The following INTS1 variants were observed in gnomAD, a reference collection of about 807,000 sequenced individuals.
The protein encoded by INTS1 is integrator complex subunit 1.
In INTS1, 137 loss-of-function variants were observed where a neutral mutation model predicts 241.6. The ratio of observed to expected loss-of-function variants is 0.57; its 90% CI spans 0.49 to 0.65. The LOEUF (loss-of-function observed/expected upper bound fraction) is 0.65. INTS1 is among the 30% of genes least tolerant of loss of function. INTS1 has a pLI of 0.00. For missense variants in INTS1, 3,073 were observed against 3,032.2 expected (o/e 1.01, Z -0.32); for synonymous variants, 1,692 against 1,337.8 (o/e 1.26, Z -5.78).
Position 1,493,924 on chromosome 7 carries a change from G to A in INTS1, c.1911-13C>T, listed in dbSNP as rs1263597184. The A allele has an allele frequency of 1.3e-6, 2 of 1,552,548 alleles. No homozygotes were observed. The highest frequency in any genetic ancestry group is 1.7e-6 in the Non-Finnish European group (2 of 1,147,746). On this transcript the variant is annotated splice_polypyrimidine_tract_variant and intron_variant, in intron 14 of 47. Transcript: ENST00000404767. This position sits in a 1 kb window ranked among gnomAD's most constrained non-coding sequence, Gnocchi z 5.3. ...ACGCAGGAAGAAGCTGCGGGGTGGG[G>A]GAGGCATGACTCGGTGTGGGCTGCC...
At chr7:1,484,470 C>T (rs973302363) in intron 24 of INTS1, among the ~76,000 whole-genome samples, 1 of 152,220 alleles carries the variant, frequency 6.6e-6, no homozygotes, top group Non-Finnish European at 1.5e-5. Flanking sequence ...CCTGAGGACT[C>T]GGGCCACCAA....
rs141609941 is a variant in INTS1, at chr7:1,501,640, C to T, written c.349+1261G>A. The stretch of plus-strand genomic sequence containing the variant: ...AATAAAGCACCGAGCCGCCGGCGGC[C>T]GAGAGCCCGGGCCAGGATGAGGCCT... On this transcript the variant is annotated intron_variant, in intron 3 of 47. Transcript: ENST00000404767. Among the ~76,000 whole-genome samples, 940 of 152,290 alleles carry T rather than the reference C, an allele frequency of 6.2e-3. 8 individuals are homozygous for T. Among genetic ancestry groups the T allele is most frequent in the African/African-American group, 0.021 (892 of 41,556 alleles).
In INTS1 at chr7:1,474,317, G is replaced by A; in HGVS notation, c.5680C>T (p.Leu1894Phe). 1 of 1,607,760 alleles carries A rather than the reference G, an allele frequency of 6.2e-7. No individual in the cohort carries two copies. The highest frequency in any genetic ancestry group is 8.5e-7 in the Non-Finnish European group (1 of 1,178,706). The stretch of plus-strand genomic sequence containing the variant: ...TGCTGCCGGAACTCCTGGAAGTTGA[G>A]GTGGGTGCGGCCGTGCAGGAGCGCC... Reference protein sequence around the residue: ...IAALLHGRTHLNFQEFRQQNH... With the variant: ...IAALLHGRTHFNFQEFRQQNH... Residue 1894 changes from leucine to phenylalanine, a missense_variant, in exon 41 of 48, where the codon CTC becomes TTC. Physicochemically the swap from Leu to Phe is conservative, Grantham distance 22 (BLOSUM62 0). Coordinates refer to ENST00000404767, the MANE Select transcript of INTS1 (RefSeq NM_001080453.3).
rs375416364 is a variant in INTS1 at position 1,482,504 on chromosome 7, CCT to C, written c.3703+40_3703+41del. On this transcript the variant is annotated intron_variant, in intron 27 of 47. Coordinates refer to ENST00000404767, the MANE Select transcript of INTS1 (RefSeq NM_001080453.3). ...AGGAGCAGGCAAGGGGCCCGGGACC[CCT>C]GAGTCAGCAGCCCCTGCCCAAGCCC... 330 of 1,560,254 alleles carry C rather than the reference CCT, an allele frequency of 2.1e-4. No homozygotes were observed. The African/African-American group carries it at 3.5e-3, about 16-fold the overall frequency.
Position 1,495,515 on chromosome 7 carries a change from C to T in INTS1, c.1750G>A (p.Ala584Thr), listed in dbSNP as rs745807231. The T allele has an allele frequency of 4.3e-6, 7 of 1,612,222 alleles. No homozygotes were observed. The highest frequency in any genetic ancestry group is 1.6e-4 in the Middle Eastern group (1 of 6,074). Residue 584 changes from alanine to threonine, a missense_variant, in exon 13 of 48, where the codon GCC becomes ACC. Transcript: ENST00000404767. ...CACCAGACGGCATCCCGCTGGATGG[C>T]GGCAATCTGGTTCTGGAATGAGCGG... ...VLRSFQNQIA[A>T]IQRDAVWWLH...
intron 24 of INTS1, among the ~76,000 whole-genome samples, 155 bp from the exon 25 acceptor site, chr7:1,484,325 G>A (rs767908379): frequency 2.8e-4 from 42 of 152,256 alleles, no homozygotes; most frequent in Non-Finnish European, 4.9e-4. Flanking sequence ...CAGGGAAGAC[G>A]ACCAGAGCTG....
chr7:1,499,828 C>A, intron 5 of INTS1, 56 bp downstream of exon 5: 1 of 1,572,834 alleles, frequency 6.4e-7, no homozygotes, highest in South Asian at 1.2e-5. Flanking sequence ...TTCTCTCGCC[C>A]CTGCCCCACC....
At chr7:1,486,250 CTTTATTTTTCATTTA>C (rs1260270812) in intron 22 of INTS1, among the ~76,000 whole-genome samples, 6 of 150,794 alleles carry the variant, frequency 4.0e-5, no homozygotes, top group Admixed American at 4.0e-4. Context: ...CATTTTACTT[CTTTATTTTTCATTTA>C]TTTATTTTTT....
chr7:1,501,034 C>A (rs961625404), intron 3 of INTS1: 3 of 152,192 alleles, frequency 2.0e-5, no homozygotes, highest in Non-Finnish European at 2.9e-5. Context: ...CCTGTAATCC[C>A]ACCACTTTGG....
In INTS1 at chr7:1,477,842, T is replaced by A. The variant is rs1182230319; in HGVS notation, c.4725A>T (p.Pro1575=). The A allele has an allele frequency of 1.9e-6, 3 of 1,612,474 alleles. No homozygotes were observed. In the African/African-American group the frequency reaches 4.0e-5, roughly 22 times the overall value. Residue 1575 remains proline, a synonymous_variant, in exon 34 of 48, where the codon CCA becomes CCT. Coordinates refer to ENST00000404767, the MANE Select transcript of INTS1 (RefSeq NM_001080453.3). ...SATADAASPF[P]ACKPVVVVSS... is the part of the protein sequence containing the mutation. ...TCACCACCACAACGGGCTTACAGGC[T>A]GGAAACGGGGAGGCAGCATCCGCAG...
intron 32 of INTS1, 103 bp downstream of exon 32, chr7:1,478,623 C>T: frequency 1.3e-6 from 2 of 1,491,818 alleles, no homozygotes; most frequent in East Asian, 2.5e-5. Flanking sequence ...TACCCACCCC[C>T]CAAGCCACTG....
chr7:1,499,195 G>A, intron 7 of INTS1, 34 bp from the exon 8 acceptor site: 1 of 1,604,700 alleles, frequency 6.2e-7, no homozygotes, highest in Non-Finnish European at 8.5e-7. Flanking sequence ...AGGGAGGAAG[G>A]TGGCCCCGAG....
Position 1,474,744 on chromosome 7 carries a change from C to A in INTS1, c.5597G>T (p.Cys1866Phe). ...CGGGTGCGCCACCGCCAGCTTCCGGCAGGCCATGCTGGCATCCGCCCCTCG... is the reference window on the plus strand; with the variant it reads ...CGGGTGCGCCACCGCCAGCTTCCGGAAGGCCATGCTGGCATCCGCCCCTCG... ...ENRGADASMA[C>F]RKLAVAHPLL... The change falls in exon 40 of 48, where the codon TGC (cysteine) becomes TTC (phenylalanine). Residue 1866 changes from cysteine (C) to phenylalanine (F), a missense_variant. Coordinates refer to ENST00000404767, the MANE Select transcript of INTS1 (RefSeq NM_001080453.3). 1.3e-6 allele frequency: 2 copies of A among 1,564,986 alleles called. No homozygotes were observed. The highest frequency in any genetic ancestry group is 1.7e-6 in the Non-Finnish European group (2 of 1,156,900).
Position 1,497,064 on chromosome 7 carries a change from A to T in INTS1, c.1602+74T>A, listed in dbSNP as rs1460800594. Reference sequence around the variant, plus strand: ...TCCGAAGGGGTGGAGTGTGCATGGGACCCAGGACGAGGGGGATGGCGGCGC... The same window carrying T: ...TCCGAAGGGGTGGAGTGTGCATGGGTCCCAGGACGAGGGGGATGGCGGCGC... On this transcript the variant is annotated intron_variant, in intron 11 of 47. Coordinates refer to ENST00000404767, the MANE Select transcript of INTS1 (RefSeq NM_001080453.3). This position sits in a 1 kb window ranked among gnomAD's most constrained non-coding sequence, Gnocchi z 5.3. The T allele has an allele frequency of 7.0e-7, 1 of 1,430,990 alleles. No homozygotes were observed. The highest frequency in any genetic ancestry group is 2.2e-5 in the Admixed American group (1 of 45,404). 88.6% of individuals were successfully genotyped at this position (1,430,990 alleles called of 1,614,324 possible). A position where few individuals can be genotyped will look rare whatever the true frequency, so the allele number is the denominator to read the frequency against.
rs200228256 is a variant in INTS1 at position 1,496,279 on chromosome 7, C to G, written c.1603-15G>C. The G allele has an allele frequency of 1.2e-6, 2 of 1,611,000 alleles. No individual in the cohort carries two copies. The highest frequency in any genetic ancestry group is 1.7e-6 in the Non-Finnish European group (2 of 1,177,994). ...ACGAAGCGCTCCTGCAGGTGCAGCA[C>G]GGGGTCTGTATCCAGAAGGGACACC... On this transcript the variant is annotated splice_polypyrimidine_tract_variant and intron_variant, in intron 11 of 47. Coordinates refer to ENST00000404767, the MANE Select transcript of INTS1 (RefSeq NM_001080453.3).
intron 1 of INTS1, 101 bp from the exon 2 acceptor site, chr7:1,504,102 CAG>C (rs1448998030): frequency 3.1e-6 from 2 of 645,190 alleles, no homozygotes; most frequent in African/African-American, 3.9e-5. Flanking sequence ...GACCCGGGGA[CAG>C]TGGTCCCGCG....
At position 1,486,744 on chromosome 7, in the gene INTS1, G is replaced by A. The variant is rs1487957316; in HGVS notation, c.2857C>T (p.Arg953Cys). 1.2e-6 allele frequency: 2 copies of A among 1,611,564 alleles called. No individual in the cohort carries two copies. The highest frequency in any genetic ancestry group is 1.7e-6 in the Non-Finnish European group (2 of 1,179,598). ...RQQKQRQLLG[R>C]LQDLLLGPKA... ...GGGCCCAGTAGCAGGTCCTGCAGGC[G>A]GCCCAGCAGCTGCCGCTGCTTCTGT... The change falls in exon 22 of 48, where the codon CGC becomes TGC. Residue 953 changes from arginine (R) to cysteine (C), a missense_variant. Coordinates refer to ENST00000404767, the MANE Select transcript of INTS1 (RefSeq NM_001080453.3).
rs988987079 is a variant in INTS1, at chr7:1,497,726, G to T, written c.1426-412C>A. ...CTCCTGTCTCAAAATGCCAGGCCGC[G>T]AAGACTGAACGCGGAGCTGAGAGCG... On this transcript the variant is annotated intron_variant, in intron 10 of 47. Coordinates refer to ENST00000404767, the MANE Select transcript of INTS1 (RefSeq NM_001080453.3). This position sits in a 1 kb window ranked among gnomAD's most constrained non-coding sequence, Gnocchi z 5.3. 3.3e-5 allele frequency among the ~76,000 whole-genome samples: 5 copies of T among 152,238 alleles called. No individual in the cohort carries two copies. The highest frequency in any genetic ancestry group is 7.3e-5 in the Non-Finnish European group (5 of 68,036).
In INTS1 at chr7:1,493,079, G is replaced by A. The variant is rs775933857; in HGVS notation, c.2096C>T (p.Thr699Ile). Residue 699 changes from threonine (T) to isoleucine (I), a missense_variant, in exon 16 of 48, where the codon ACC becomes ATC. Coordinates refer to ENST00000404767, the MANE Select transcript of INTS1 (RefSeq NM_001080453.3). The surrounding 1 kb of genome is among the most constrained non-coding windows in gnomAD (Gnocchi z 5.3). ...DDVEVLKVGR[T>I]QLIDAVLNLC... ...ATTCAGAACGGCGTCGATCAGCTGG[G>A]TCCTCCCCACCTTCAGCACCTCCAC... The A allele has an allele frequency of 3.1e-6, 5 of 1,613,490 alleles. No individual in the cohort carries two copies. In the South Asian group the frequency reaches 5.5e-5, roughly 18 times the overall value.
Sources: allele counts gnomAD v4.1 joint callset (sites outside exome capture counted in the v4.1 genomes callset), GRCh38; gene constraint gnomAD v4.1.1; non-coding constraint Gnocchi (gnomAD v3.1); transcripts MANE v1.5; gene names NCBI Gene and HGNC (gene_info 2026-07-23, HGNC 2026-07-21).